The following PHKA2 variants were observed in gnomAD, a reference collection of about 807,000 sequenced individuals.
The protein encoded by PHKA2 is phosphorylase kinase regulatory subunit alpha 2, also known as phosphorylase b kinase regulatory subunit alpha, liver isoform.
A neutral mutation model predicts 102.0 loss-of-function variants in PHKA2; 31 were observed. The observed-to-expected ratio is 0.30, with a 90% CI of 0.23 to 0.41. PHKA2 has a LOEUF of 0.41. PHKA2 is among the 10% of genes least tolerant of loss of function. The pLI, the probability that PHKA2 is intolerant of heterozygous loss-of-function variation, is 1.00. For missense variants in PHKA2, 858 were observed against 1,023.1 expected, an observed-to-expected ratio of 0.84 and a Z score of 2.20; for synonymous variants, 455 against 416.2, an observed-to-expected ratio of 1.09 and a Z score of -1.13.
At chrX:18,947,918 T>C (rs1023053058) in intron 5 of PHKA2, among the ~76,000 whole-genome samples, 3 of 111,882 alleles carry the variant, frequency 2.7e-5, no homozygotes, top group Non-Finnish European at 5.6e-5. Context: ...CCAAAGATCA[T>C]ATGTTCTCAC....
chrX:18,924,176 T>G (rs746483250), intron 16 of PHKA2, 42 bp from the exon 17 acceptor site: 11 of 1,007,180 alleles, frequency 1.1e-5, no homozygotes, highest in African/African-American at 7.5e-5. Context: ...CTGGGCAGAC[T>G]TTTTTTCCGT....
At chrX:18,924,323 G>C (rs900461513) in intron 16 of PHKA2, 58 bp downstream of exon 16, 1 of 1,173,351 alleles carries the variant, frequency 8.5e-7, no homozygotes, top group Non-Finnish European at 1.2e-6. Context: ...TTAAACATTT[G>C]TAAGAGCCCA....
rs2047858864 is a variant in PHKA2, at chrX:18,908,237, G to A, written c.2361-181C>T. ...TGAAACAGAAGCCTAACATCAGGAC[G>A]TGGTGGCCTCCTGGCCTCACATAGC... On this transcript the variant is annotated intron_variant, in intron 21 of 32. Transcript: ENST00000379942. 2.7e-5 allele frequency among the ~76,000 whole-genome samples: 3 copies of A among 112,452 alleles called. 1 individual carries two copies. Among genetic ancestry groups the A allele is most frequent in the South Asian group, 7.4e-4 (2 of 2,696 alleles).
At chrX:18,898,285 ACTGT>A (rs979393205) in intron 29 of PHKA2, 4 of 112,497 alleles carry the variant, frequency 3.6e-5, no homozygotes, top group Admixed American at 2.8e-4. Flanking sequence ...AGAGGGGGAC[ACTGT>A]CTGAGAGGCT....
At chrX:18,974,787 G>A (rs756950665) in intron 1 of PHKA2, among the ~76,000 whole-genome samples, 8 of 110,920 alleles carry the variant, frequency 7.2e-5, no homozygotes, top group South Asian at 3.8e-4. Context: ...ATCATCTCCC[G>A]AAGGCCCCAC....
In PHKA2 at chrX:18,924,183, C is replaced by T. The variant is rs367785433; in HGVS notation, c.1715-49G>A. ...AGTTTAGTCTGGGCAGACTTTTTTT[C>T]CGTTATGCACTGAAACATTTTCATC... is the stretch of plus-strand genomic sequence containing the variant. On this transcript the variant is annotated intron_variant, in intron 16 of 32. Transcript: ENST00000379942. The T allele has an allele frequency of 1.2e-4, 117 of 979,317 alleles. No individual in the cohort carries two copies. The African/African-American group carries it at 1.7e-3, about 14-fold the overall frequency. 80.7% of individuals were successfully genotyped at this position (979,317 alleles called of 1,213,427 possible).
chrX:18,921,837 G>A (rs1423292873), intron 17 of PHKA2, among the ~76,000 whole-genome samples: 1 of 112,309 alleles, frequency 8.9e-6, no homozygotes, highest in Non-Finnish European at 1.9e-5. Flanking sequence ...TATGAAATGG[G>A]AATTCACCCC....
rs758706223 is a variant in PHKA2 at position 18,918,774 on chromosome X, T to C, written c.2044A>G (p.Lys682Glu). ...SLRSYLPPLC[K>E]NTEDRHVFSA... Reference sequence around the variant, plus strand: ...AAGACATGGCGGTCTTCTGTGTTCTTACAAAGAGGAGGCAGATAGGACCTC... The same window carrying C: ...AAGACATGGCGGTCTTCTGTGTTCTCACAAAGAGGAGGCAGATAGGACCTC... The change falls in exon 19 of 33, where the codon AAG (lysine) becomes GAG (glutamate). Residue 682 changes from lysine (K) to glutamate (E), a missense_variant. This residue lies in a region of PHKA2 where 671 missense variants were observed against 745.2 expected (regional missense o/e 0.90). Transcript: ENST00000379942. 1.7e-6 allele frequency: 2 copies of C among 1,208,753 alleles called. No homozygotes were observed. Among genetic ancestry groups the C allele is most frequent in the Non-Finnish European group, 2.2e-6 (2 of 892,642 alleles).
intron 29 of PHKA2, chrX:18,897,706 A>G (rs1036115733): frequency 8.7e-6 from 2 of 230,633 alleles, no homozygotes; most frequent in Non-Finnish European, 1.6e-5. Flanking sequence ...TGGCCCTGCC[A>G]TGAACACTGA....
rs202194331 is a variant in PHKA2 at position 18,941,715 on chromosome X, G to A, written c.718-40C>T. ...AAGAGGTGGTTTAACCTGGAGATGC[G>A]CTAATAGGCGCAGTATCTAGGGACC... On this transcript the variant is annotated intron_variant, in intron 7 of 32. Coordinates refer to ENST00000379942, the MANE Select transcript of PHKA2 (RefSeq NM_000292.3). The A allele has an allele frequency of 5.4e-5, 53 of 979,459 alleles. No individual in the cohort carries two copies. The African/African-American group carries it at 6.4e-4, about 12-fold the overall frequency. The allele number at this position is 979,459 out of a possible 1,213,427, so 80.7% of individuals were successfully genotyped here. A position where few individuals can be genotyped will look rare whatever the true frequency, so the allele number is the denominator to read the frequency against.
At chrX:18,940,167 C>G (rs1349045678) in intron 8 of PHKA2, 119 bp from the exon 9 acceptor site, 2 of 548,799 alleles carry the variant, frequency 3.6e-6, no homozygotes, top group East Asian at 6.8e-5. Flanking sequence ...ACCAAGTGTT[C>G]TTTGCTGTCA....
At position 18,908,031 on chromosome X, in the gene PHKA2, A is replaced by G. The variant is rs925780226; in HGVS notation, c.2386T>C (p.Ser796Pro). ...TGAACGGTGACCCCGTGCTGTCCAG[A>G]GAGATTTGTGTCCCAGCTGGGACCC... ...IKGPSWDTNL[S>P]GQHGVTVQNL... The change falls in exon 22 of 33, where the codon TCT becomes CCT. Residue 796 changes from serine (S) to proline (P), a missense_variant. Transcript: ENST00000379942. 6.6e-6 allele frequency: 8 copies of G among 1,209,703 alleles called. No individual in the cohort carries two copies. The highest frequency in any genetic ancestry group is 5.2e-5 in the African/African-American group (3 of 57,144).
At position 18,943,788 on chromosome X, in the gene PHKA2, A is replaced by G. The variant is rs2048533878; in HGVS notation, c.639T>C (p.Asp213=). 8.3e-7 allele frequency: 1 copy of G among 1,207,386 alleles called. No homozygotes were observed. Among genetic ancestry groups the G allele is most frequent in the Non-Finnish European group, 1.1e-6 (1 of 891,400 alleles). Reference sequence around the variant, plus strand: ...CATGGGCTCCAAAAAGGTCCAGTTCATCAATTGCCTCAAGAGCTGCCTACA... The same window carrying G: ...CATGGGCTCCAAAAAGGTCCAGTTCGTCAATTGCCTCAAGAGCTGCCTACA... ...GMAKAALEAI[D]ELDLFGAHGG... Residue 213 remains aspartate, a synonymous_variant, in exon 7 of 33, where the codon GAT becomes GAC. Transcript: ENST00000379942.
chrX:18,899,230 CA>C lies in PHKA2; in HGVS notation c.3058-5del. ...CGGCCTGGCCCACAGAAAAGAACTA[CA>C]AAACAAAAAGAATCCACTCAGTTGA... is the stretch of plus-strand genomic sequence containing the variant. On this transcript the variant is annotated splice_polypyrimidine_tract_variant and splice_region_variant and intron_variant, in intron 28 of 32. Transcript: ENST00000379942. 1 of 1,205,269 alleles carries C rather than the reference CA, an allele frequency of 8.3e-7. No individual in the cohort carries two copies. The highest frequency in any genetic ancestry group is 1.7e-5 in the African/African-American group (1 of 57,685).
At chrX:18,951,366 T>G in intron 3 of PHKA2, 94 bp from the exon 4 acceptor site, 1 of 876,568 alleles carries the variant, frequency 1.1e-6, no homozygotes, top group Non-Finnish European at 1.7e-6. Flanking sequence ...CTAGAGCTCT[T>G]ATCTGCTACT....
chrX:18,929,135 TA>T, intron 13 of PHKA2, 92 bp downstream of exon 13: 1 of 646,032 alleles, frequency 1.5e-6, no homozygotes, highest in Non-Finnish European at 2.5e-6. Context: ...ATACACACTT[TA>T]AAAAAATTAA....
chrX:18,948,891 AAT>A (rs1414668056), intron 4 of PHKA2, 65 bp from the exon 5 acceptor site: 1 of 709,177 alleles, frequency 1.4e-6, no homozygotes, highest in Non-Finnish European at 2.2e-6. Flanking sequence ...ACAAATTACA[AAT>A]ATCACACTAG....
rs2047912822 is a variant in PHKA2, at chrX:18,910,962, T to C, written c.2138-2A>G. The C allele has an allele frequency of 2.6e-6, 3 of 1,146,403 alleles. No individual in the cohort carries two copies. Among genetic ancestry groups the C allele is most frequent in the African/African-American group, 1.8e-5 (1 of 55,225 alleles). 94.5% of individuals were successfully genotyped at this position (1,146,403 alleles called of 1,213,427 possible). A position where few individuals can be genotyped will look rare whatever the true frequency, so the allele number is the denominator to read the frequency against. On this transcript the variant is annotated splice_acceptor_variant, in intron 19 of 32. Coordinates refer to ENST00000379942, the MANE Select transcript of PHKA2 (RefSeq NM_000292.3). LOFTEE classifies it high-confidence loss of function. Reference sequence around the variant, plus strand: ...TAGTCGGCAAAGTCATGGGAACAACTGGAAAACAAAAGAATAAAGAGAGTT... The same window carrying C: ...TAGTCGGCAAAGTCATGGGAACAACCGGAAAACAAAAGAATAAAGAGAGTT...
chrX:18,941,522 T>C lies in PHKA2; in HGVS notation c.864+7A>G, dbSNP rs1042297173. Reference sequence around the variant, plus strand: ...GACAGAAGGGCACCAGCATGACTAATGCTTACCTGGAGCTTAGAAATAATT... The same window carrying C: ...GACAGAAGGGCACCAGCATGACTAACGCTTACCTGGAGCTTAGAAATAATT... On this transcript the variant is annotated splice_region_variant and intron_variant, in intron 8 of 32. Coordinates refer to ENST00000379942, the MANE Select transcript of PHKA2 (RefSeq NM_000292.3). 3.3e-6 allele frequency: 4 copies of C among 1,208,048 alleles called. No homozygotes were observed. The Admixed American group carries it at 6.5e-5, about 20-fold the overall frequency.
Sources: allele counts gnomAD v4.1 joint callset (sites outside exome capture counted in the v4.1 genomes callset), GRCh38; gene constraint gnomAD v4.1.1; regional missense constraint gnomAD v4.1.1; transcripts MANE v1.5; gene names NCBI Gene and HGNC (gene_info 2026-07-23, HGNC 2026-07-21).